TRPM7: variants seen among roughly 807,000 people sequenced by gnomAD.
TRPM7 encodes LTRPC ion channel family member 7.
A neutral mutation model predicts 229.7 loss-of-function variants in TRPM7; 134 were observed. The ratio of observed to expected loss-of-function variants is 0.58; its 90% CI spans 0.51 to 0.67. TRPM7 has a LOEUF of 0.67. Ranked by LOEUF, TRPM7 falls within the 30% of genes least tolerant of loss-of-function variation. The probability of loss-of-function intolerance (pLI) is 0.00; values close to 1 mark genes in which losing one functional copy is unlikely to be tolerated. For missense variants in TRPM7, 1,901 were observed against 2,210.0 expected (o/e 0.86, Z 2.80); for synonymous variants, 699 against 715.2 (o/e 0.98, Z 0.36).
intron 1 of TRPM7, among the ~76,000 whole-genome samples, chr15:50,678,516 AAATATAT>A (rs1327448430): frequency 5.2e-4 from 52 of 99,324 alleles, no homozygotes; most frequent in Middle Eastern, 5.9e-3. Flanking sequence ...TAAAAAAAAA[AAATATAT>A]ATATATATAT....
At position 50,594,617 on chromosome 15, in the gene TRPM7, G is replaced by A; in HGVS notation, c.3291-4C>T. On this transcript the variant is annotated splice_region_variant and splice_polypyrimidine_tract_variant and intron_variant, in intron 23 of 38. Coordinates refer to ENST00000646667, the MANE Select transcript of TRPM7 (RefSeq NM_017672.6). The stretch of plus-strand genomic sequence containing the variant: ...CTTCACTTGTAAATACACATTGCTA[G>A]AGAAATAATGAATAAAAATAAAATA... 1.9e-6 allele frequency: 3 copies of A among 1,540,188 alleles called. No homozygotes were observed. The highest frequency in any genetic ancestry group is 2.6e-6 in the Non-Finnish European group (3 of 1,139,436).
chr15:50,569,052 T>A lies in TRPM7; in HGVS notation c.5467+835A>T, dbSNP rs201183070. On this transcript the variant is annotated intron_variant, in intron 38 of 38. Coordinates refer to ENST00000646667, the MANE Select transcript of TRPM7 (RefSeq NM_017672.6). ...CCCCAGACATGTGTAATTTTTTTTT[T>A]AAATTTAATTTTTAAAAGAGACAGG... Among the ~76,000 whole-genome samples the A allele has an allele frequency of 1.9e-3, 289 of 150,768 alleles. 7 individuals are homozygous for A. In the East Asian group the frequency reaches 0.05, roughly 26 times the overall value.
At chr15:50,586,884 C>T (rs140477049) in intron 27 of TRPM7, among the ~76,000 whole-genome samples, 4,539 of 152,048 alleles carry the variant, frequency 0.03, 246 homozygotes, top group African/African-American at 0.1. Flanking sequence ...GTTGTGGTGG[C>T]GCATGCCTGT....
intron 1 of TRPM7, among the ~76,000 whole-genome samples, chr15:50,665,139 C>T (rs1054664753): frequency 6.6e-6 from 1 of 152,070 alleles, no homozygotes; most frequent in South Asian, 2.1e-4. Context: ...CCCAGTGGCT[C>T]GTACCTGCAA....
chr15:50,590,818 C>T (rs1224974385), intron 26 of TRPM7, among the ~76,000 whole-genome samples: 4 of 129,004 alleles, frequency 3.1e-5, no homozygotes, highest in East Asian at 2.3e-4. Context: ...AGGGAGACTC[C>T]GTCTTTTAAA....
At chr15:50,593,165 G>A (rs1202049301) in intron 25 of TRPM7, among the ~76,000 whole-genome samples, 2 of 151,804 alleles carry the variant, frequency 1.3e-5, no homozygotes, top group African/African-American at 2.4e-5. Flanking sequence ...GGTGCACGCC[G>A]GTAATCCTAG....
chr15:50,686,472 T>C, intron 1 of TRPM7, 59 bp downstream of exon 1: 1 of 1,613,986 alleles, frequency 6.2e-7, no homozygotes, highest in South Asian at 1.1e-5. Flanking sequence ...GCCAAGTCTC[T>C]CCTTTACCGC....
At chr15:50,570,541 C>G (rs2053826599) in intron 36 of TRPM7, among the ~76,000 whole-genome samples, 1 of 152,016 alleles carries the variant, frequency 6.6e-6, no homozygotes, top group Admixed American at 6.6e-5. Flanking sequence ...ATCCATAGGA[C>G]TTTAAAAGTG....
intron 2 of TRPM7, among the ~76,000 whole-genome samples, chr15:50,659,221 A>G (rs2061667641): frequency 6.6e-6 from 1 of 151,924 alleles, no homozygotes; most frequent in African/African-American, 2.4e-5. Context: ...AGAACAAACT[A>G]GTGATCGCCA....
intron 36 of TRPM7, 85 bp downstream of exon 36, chr15:50,574,186 ATCT>A: frequency 9.5e-7 from 1 of 1,050,642 alleles, no homozygotes; most frequent in Non-Finnish European, 1.4e-6. Context: ...GATTTTATTT[ATCT>A]ATAAATTAGC....
chr15:50,679,192 C>T (rs1343050076), intron 1 of TRPM7, among the ~76,000 whole-genome samples: 2 of 150,736 alleles, frequency 1.3e-5, no homozygotes, highest in African/African-American at 2.5e-5. Context: ...TTTAATTAGC[C>T]AGGTTGGTGG....
chr15:50,587,405 CTTTTTTTTTT>C lies in TRPM7; in HGVS notation c.4390-927_4390-918del, dbSNP rs34826776. Reference sequence around the variant, plus strand: ...GGCTTTACTGGCTCAATAAATACTGCTTTTTTTTTTTTTTTTTTTGAGATGGAGTCTTGCT... The same window carrying C: ...GGCTTTACTGGCTCAATAAATACTGCTTTTTTTTTGAGATGGAGTCTTGCT... On this transcript the variant is annotated intron_variant, in intron 27 of 38. Coordinates refer to ENST00000646667, the MANE Select transcript of TRPM7 (RefSeq NM_017672.6). Among the ~76,000 whole-genome samples, 12 of 91,656 alleles carry C rather than the reference CTTTTTTTTTT, an allele frequency of 1.3e-4. No individual in the cohort carries two copies. In the East Asian group the frequency reaches 4.9e-3, roughly 37 times the overall value. 60.1% of individuals were successfully genotyped at this position (91,656 alleles called of 152,430 possible).
chr15:50,603,596 AATG>A (rs1015029089), intron 21 of TRPM7, among the ~76,000 whole-genome samples: 1 of 152,020 alleles, frequency 6.6e-6, no homozygotes, highest in African/African-American at 2.4e-5. Context: ...GTTTGCTCAG[AATG>A]ATGGTTTCCA....
chr15:50,599,271 A>T lies in TRPM7; in HGVS notation c.3014T>A (p.Val1005Glu), dbSNP rs771925420. The T allele has an allele frequency of 1.2e-6, 2 of 1,611,274 alleles. No individual in the cohort carries two copies. The highest frequency in any genetic ancestry group is 1.7e-6 in the Non-Finnish European group (2 of 1,178,910). The stretch of plus-strand genomic sequence containing the variant: ...ACTAAGTAATACAAGAGCCATAATC[A>T]CTACAATGTAGAACATATTGGCCAC... Reference protein sequence around the residue: ...KMVANMFYIVVIMALVLLSFG... With the variant: ...KMVANMFYIVEIMALVLLSFG... The change falls in exon 22 of 39, where the codon GTG (valine) becomes GAG (glutamate). Residue 1005 changes from valine (V) to glutamate (E), a missense_variant. Physicochemically the swap from Val to Glu is moderately radical, Grantham distance 121 (BLOSUM62 -2). This residue lies in a region of TRPM7 where 89 missense variants were observed against 178.2 expected (regional missense o/e 0.50). Transcript: ENST00000646667.
rs1027435973 is a variant in TRPM7, at chr15:50,663,029, T to C, written c.21A>G (p.Ile7Met). 1 of 1,613,618 alleles carries C rather than the reference T, an allele frequency of 6.2e-7. No homozygotes were observed. Among genetic ancestry groups the C allele is most frequent in the Non-Finnish European group, 8.5e-7 (1 of 1,179,700 alleles). The change falls in exon 2 of 39, where the codon ATA becomes ATG. Residue 7 changes from isoleucine (I) to methionine (M), a missense_variant. Physicochemically the swap from Ile to Met is conservative, Grantham distance 10. Coordinates refer to ENST00000646667, the MANE Select transcript of TRPM7 (RefSeq NM_017672.6). ...ATTCCCTCTTGGTCAAAGTGCTTTCTATCCAGGATTTCTGGGACTAAAACA... is the reference window on the plus strand; with the variant it reads ...ATTCCCTCTTGGTCAAAGTGCTTTCCATCCAGGATTTCTGGGACTAAAACA... MSQKSW[I>M]ESTLTKRECV...
Position 50,612,719 on chromosome 15 carries a change from A to C in TRPM7, c.1881T>G (p.Ile627Met). ...RFPYPLNELL[I>M]WACLMKRQVM... ...CCTGCCTCTTCATAAGGCAAGCCCA[A>C]ATTAAAAGTTCATTAAGTGGATAAG... The change falls in exon 16 of 39, where the codon ATT (isoleucine) becomes ATG (methionine). Residue 627 changes from isoleucine (I) to methionine (M), a missense_variant. Ile to Met is a conservative substitution (Grantham distance 10). Around this residue, in one of 8 missense-constraint regions of TRPM7, gnomAD observed 794 missense variants for 881.9 expected, o/e 0.90. Coordinates refer to ENST00000646667, the MANE Select transcript of TRPM7 (RefSeq NM_017672.6). 1 of 1,614,186 alleles carries C rather than the reference A, an allele frequency of 6.2e-7. No individual in the cohort carries two copies. Among genetic ancestry groups the C allele is most frequent in the Non-Finnish European group, 8.5e-7 (1 of 1,180,012 alleles).
At chr15:50,605,214 C>G in intron 20 of TRPM7, 70 bp from the exon 21 acceptor site, 1 of 1,243,402 alleles carries the variant, frequency 8.0e-7, no homozygotes, top group South Asian at 1.5e-5. Flanking sequence ...CAGCATTCAA[C>G]TATAACATTA....
chr15:50,575,279 G>T, intron 33 of TRPM7, 144 bp from the exon 34 acceptor site: 1 of 606,162 alleles, frequency 1.6e-6, no homozygotes, highest in Non-Finnish European at 2.7e-6. Flanking sequence ...AAATTTAATA[G>T]CAATAGGTAA....
Position 50,607,280 on chromosome 15 carries a change from G to A in TRPM7, c.2629C>T (p.Gln877Ter). ...TGAACTGAAGGTAACTGTTCCATTT[G>A]TACAAGAACCACAAATGTATAAAGC... ...LMLYTFVVLV[Q>*]MEQLPSVQEW... The change falls in exon 20 of 39, where the codon CAA becomes TAA. Residue 877 changes from glutamine (Q) to a stop codon, truncating the protein, a stop_gained. Transcript: ENST00000646667. LOFTEE classifies it high-confidence loss of function. The A allele has an allele frequency of 6.2e-7, 1 of 1,605,974 alleles. No individual in the cohort carries two copies. Among genetic ancestry groups the A allele is most frequent in the Non-Finnish European group, 8.5e-7 (1 of 1,175,930 alleles).
Sources: allele counts gnomAD v4.1 joint callset (sites outside exome capture counted in the v4.1 genomes callset), GRCh38; gene constraint gnomAD v4.1.1; regional missense constraint gnomAD v4.1.1; transcripts MANE v1.5; gene names NCBI Gene and HGNC (gene_info 2026-07-23, HGNC 2026-07-21).